PAN3: variants seen among roughly 807,000 people sequenced by gnomAD.
The protein encoded by PAN3 is PAN2-PAN3 deadenylation complex subunit PAN3.
PAN3 carries 19 observed loss-of-function variants against 96.2 expected under a neutral mutation model. The ratio of observed to expected loss-of-function variants is 0.20; its 90% CI spans 0.14 to 0.29. The LOEUF is 0.29. PAN3 is among the 10% of genes least tolerant of loss of function. The pLI is 1.00. For missense variants in PAN3, 882 were observed against 1,108.1 expected (o/e 0.80, Z 2.90); for synonymous variants, 433 against 406.6 (o/e 1.06, Z -0.78).
At chr13:28,213,366 C>A (rs985547715) in intron 5 of PAN3, among the ~76,000 whole-genome samples, 1 of 151,698 alleles carries the variant, frequency 6.6e-6, no homozygotes. Context: ...GAAAAACCAC[C>A]GTAGTGATAG....
intron 1 of PAN3, among the ~76,000 whole-genome samples, chr13:28,166,567 G>A (rs564596811): frequency 6.6e-6 from 1 of 152,188 alleles, no homozygotes; most frequent in South Asian, 2.1e-4. Context: ...GTCTCTGGGG[G>A]CAGTCTTGCC....
In PAN3 at chr13:28,198,126, A is replaced by G. The variant is rs138838397; in HGVS notation, c.852+780A>G. ...CGTCTCTACAAATATACAGAAAAGAAAAGAAAAATTTTAGCCAGGTGTGGT... is the reference window on the plus strand; with the variant it reads ...CGTCTCTACAAATATACAGAAAAGAGAAGAAAAATTTTAGCCAGGTGTGGT... On this transcript the variant is annotated intron_variant, in intron 5 of 18. Transcript: ENST00000380958. 4.2e-3 allele frequency among the ~76,000 whole-genome samples: 636 copies of G among 152,060 alleles called. 2 individuals carry two copies. The highest frequency in any genetic ancestry group is 0.031 in the Middle Eastern group (9 of 292).
intron 10 of PAN3, 105 bp from the exon 11 acceptor site, chr13:28,266,989 AG>A: frequency 7.8e-7 from 1 of 1,285,720 alleles, no homozygotes; most frequent in Non-Finnish European, 1.0e-6. Flanking sequence ...TTTGGAAATT[AG>A]TACCTCATGA....
intron 6 of PAN3, among the ~76,000 whole-genome samples, chr13:28,232,311 A>C (rs561550374): frequency 6.6e-6 from 1 of 152,322 alleles, no homozygotes; most frequent in South Asian, 2.1e-4. Context: ...TTTGAATCCA[A>C]GGTTCAGTTT....
chr13:28,238,295 G>A (rs1883284181), intron 6 of PAN3, among the ~76,000 whole-genome samples: 2 of 152,150 alleles, frequency 1.3e-5, no homozygotes, highest in Admixed American at 1.3e-4. Flanking sequence ...ATGTCTATCA[G>A]GTGGCATTAT....
chr13:28,291,449 T>G (rs921324038), intron 18 of PAN3, among the ~76,000 whole-genome samples: 5 of 152,166 alleles, frequency 3.3e-5, no homozygotes, highest in Admixed American at 3.3e-4. Flanking sequence ...AGTAAATGTA[T>G]GAAAAAACTT....
At chr13:28,147,271 A>G (rs1415606030) in intron 1 of PAN3, among the ~76,000 whole-genome samples, 1 of 152,218 alleles carries the variant, frequency 6.6e-6, no homozygotes, top group African/African-American at 2.4e-5. Context: ...CAATTCATTT[A>G]TCAGAATGTA....
chr13:28,236,103 G>A (rs9508007), intron 6 of PAN3, among the ~76,000 whole-genome samples: 92,164 of 151,882 alleles, frequency 0.61, 29,581 homozygotes, highest in Admixed American at 0.73. Context: ...ATCCTTTATT[G>A]TGCTCACATA....
rs528724641 is a variant in PAN3 at position 28,247,822 on chromosome 13, C to T, written c.1001-8470C>T. On this transcript the variant is annotated intron_variant, in intron 6 of 18. Coordinates refer to ENST00000380958, the MANE Select transcript of PAN3 (RefSeq NM_175854.8). ...TGCAGGTACCATACTGTTTCGGTTA[C>T]TGTGACTTTGTAATATATTTTGAAG... Among the ~76,000 whole-genome samples the T allele has an allele frequency of 9.2e-5, 14 of 152,272 alleles. No individual in the cohort carries two copies. In the South Asian group the frequency reaches 2.9e-3, roughly 32 times the overall value.
intron 4 of PAN3, among the ~76,000 whole-genome samples, chr13:28,186,358 A>G (rs914803770): frequency 2.0e-5 from 3 of 152,154 alleles, no homozygotes; most frequent in African/African-American, 7.2e-5. Context: ...GTTAATTTTG[A>G]GATAATAGGC....
At chr13:28,185,575 A>C (rs1047167587) in intron 4 of PAN3, among the ~76,000 whole-genome samples, 2 of 152,126 alleles carry the variant, frequency 1.3e-5, no homozygotes, top group African/African-American at 4.8e-5. Context: ...ATTGATTTTT[A>C]AAAAGAGCTC....
intron 6 of PAN3, among the ~76,000 whole-genome samples, chr13:28,225,968 C>G (rs1487786490): frequency 6.6e-6 from 1 of 152,102 alleles, no homozygotes; most frequent in Non-Finnish European, 1.5e-5. Flanking sequence ...AAATTAAATC[C>G]ACAGATATGT....
chr13:28,278,512 A>C (rs540236291), intron 15 of PAN3, among the ~76,000 whole-genome samples: 2 of 152,314 alleles, frequency 1.3e-5, no homozygotes, highest in South Asian at 4.1e-4. Flanking sequence ...AAACTGGGTG[A>C]TGATACATGG....
intron 8 of PAN3, 67 bp downstream of exon 8, chr13:28,260,618 A>G: frequency 7.9e-7 from 1 of 1,259,906 alleles, no homozygotes; most frequent in Non-Finnish European, 1.2e-6. Flanking sequence ...AGGGGAAAGA[A>G]CAGAGCTCTT....
At chr13:28,239,227 A>G (rs1014932074) in intron 6 of PAN3, among the ~76,000 whole-genome samples, 1 of 145,776 alleles carries the variant, frequency 6.9e-6, no homozygotes, top group Non-Finnish European at 1.5e-5. Context: ...ACACACGGAA[A>G]GTAACCAACT....
chr13:28,165,092 G>A (rs1473394030), intron 1 of PAN3, among the ~76,000 whole-genome samples: 1 of 152,122 alleles, frequency 6.6e-6, no homozygotes, highest in African/African-American at 2.4e-5. Flanking sequence ...ATTTTTAGTA[G>A]AGACGGGGTT....
rs112059738 is a variant in PAN3, at chr13:28,158,075, T to C, written c.431-16197T>C. 9.8e-3 allele frequency among the ~76,000 whole-genome samples: 1,486 copies of C among 151,934 alleles called. 18 individuals are homozygous for C. Among genetic ancestry groups the C allele is most frequent in the African/African-American group, 0.034 (1,418 of 41,398 alleles). On this transcript the variant is annotated intron_variant, in intron 1 of 18. Coordinates refer to ENST00000380958, the MANE Select transcript of PAN3 (RefSeq NM_175854.8). ...TACAACCATCTGATCTTCCACGGAG[T>C]TGACAAAAACGAGCAATGGGGAAAG...
chr13:28,144,977 G>A (rs779231268), intron 1 of PAN3, among the ~76,000 whole-genome samples: 1 of 150,954 alleles, frequency 6.6e-6, no homozygotes, highest in African/African-American at 2.4e-5. Flanking sequence ...CTCAGCCTCC[G>A]AAAGCGCTGG....
At chr13:28,159,223 C>A (rs1872601877) in intron 1 of PAN3, among the ~76,000 whole-genome samples, 1 of 151,996 alleles carries the variant, frequency 6.6e-6, no homozygotes, top group Non-Finnish European at 1.5e-5. Flanking sequence ...AATGGTAGAC[C>A]AGATAAAGAA....
Sources: gnomAD v4.1 joint callset for allele counts (sites outside exome capture counted in the v4.1 genomes callset) on GRCh38, gnomAD v4.1.1 for gene constraint, MANE v1.5 for transcripts, NCBI Gene and HGNC (gene_info 2026-07-23, HGNC 2026-07-21) for gene names.